MAN1B1: variants seen among roughly 807,000 people sequenced by gnomAD.
The protein encoded by MAN1B1 is endoplasmic reticulum mannosyl-oligosaccharide 1,2-alpha-mannosidase.
Under a neutral mutation model 75.5 loss-of-function variants are expected in MAN1B1, and 66 were observed. The observed-to-expected ratio is 0.87, with a 90% CI of 0.72 to 1.07. The LOEUF (loss-of-function observed/expected upper bound fraction) is 1.07, where lower values mean the gene tolerates loss of function less well. Among genes scored for constraint, MAN1B1 ranks in the 50% least tolerant of loss-of-function variants. The pLI, the probability that MAN1B1 is intolerant of heterozygous loss-of-function variation, is 0.00. For synonymous variants in MAN1B1, 453 were observed against 382.8 expected (o/e 1.18, Z -2.14); for missense variants, 973 against 912.5 (o/e 1.07, Z -0.85).
rs888516599 is a variant in MAN1B1, at chr9:137,096,116, T to C, written c.466-121T>C. ...GTCGTATTGAAAAACGAAAGTAATT[T>C]AGTCAGAGGTCAGAAGCTCAGTCTG... On this transcript the variant is annotated intron_variant, in intron 3 of 12. Coordinates refer to ENST00000371589, the MANE Select transcript of MAN1B1 (RefSeq NM_016219.5). 5.8e-6 allele frequency: 6 copies of C among 1,038,760 alleles called. No homozygotes were observed. The East Asian group carries it at 7.3e-5, about 13-fold the overall frequency. The allele number at this position is 1,038,760 out of a possible 1,614,324, so 64.3% of individuals were successfully genotyped here. A position where few individuals can be genotyped will look rare whatever the true frequency, so the allele number is the denominator to read the frequency against.
chr9:137,096,900 T>C (rs990328554), intron 4 of MAN1B1, among the ~76,000 whole-genome samples: 7 of 152,182 alleles, frequency 4.6e-5, no homozygotes, highest in Admixed American at 6.5e-5. Context: ...GAGTTGATTG[T>C]GGTTGAGGCG....
At chr9:137,093,001 C>T (rs1011162130) in intron 3 of MAN1B1, among the ~76,000 whole-genome samples, 3 of 152,008 alleles carry the variant, frequency 2.0e-5, no homozygotes, top group African/African-American at 7.3e-5. Context: ...CATCCTTTAC[C>T]AAGTATGCTT....
Position 137,107,532 on chromosome 9 carries a change from C to A in MAN1B1, c.1766C>A (p.Pro589Gln), listed in dbSNP as rs781280839. The change falls in exon 12 of 13, where the codon CCA becomes CAA. Residue 589 changes from proline (P) to glutamine (Q), a missense_variant and splice_region_variant. Coordinates refer to ENST00000371589, the MANE Select transcript of MAN1B1 (RefSeq NM_016219.5). ...QPGRRDVEVK[P>Q]ADRHNLLRPE... ...CCCTGAGCTCTGCTCCGCCCACAGC[C>A]AGCAGACAGGCACAACCTGCTGCGG... 3.1e-6 allele frequency: 5 copies of A among 1,612,990 alleles called. No homozygotes were observed. The South Asian group carries it at 4.4e-5, about 14-fold the overall frequency.
At chr9:137,104,029 G>C (rs1831005397) in intron 8 of MAN1B1, 1 of 457,104 alleles carries the variant, frequency 2.2e-6, no homozygotes, top group Non-Finnish European at 4.4e-6. Context: ...AGGAGTACAG[G>C]TCAGTGGTGT....
At chr9:137,107,704 CCACAGG>C in intron 12 of MAN1B1, 42 bp downstream of exon 12, 2 of 1,610,614 alleles carry the variant, frequency 1.2e-6, no homozygotes. Context: ...GGCCACCGGG[CCACAGG>C]CACGGCTGGG....
intron 1 of MAN1B1, 136 bp downstream of exon 1, chr9:137,087,354 A>G (rs1830400488): frequency 2.8e-6 from 3 of 1,061,664 alleles, no homozygotes; most frequent in Admixed American, 2.4e-5. Flanking sequence ...CCCCGCAAAA[A>G]GGGGCAAATG....
intron 7 of MAN1B1, 42 bp from the exon 8 acceptor site, chr9:137,101,441 TG>T: frequency 6.3e-7 from 1 of 1,592,156 alleles, no homozygotes; most frequent in Non-Finnish European, 8.6e-7. Context: ...ACGAGGCCTC[TG>T]GGTGACCTGA....
At position 137,099,722 on chromosome 9, in the gene MAN1B1, GTGAT is replaced by G. The variant is rs1564281411; in HGVS notation, c.761_764del (p.Ile254ThrfsTer20). 2.5e-6 allele frequency: 4 copies of G among 1,614,222 alleles called. No homozygotes were observed. The highest frequency in any genetic ancestry group is 3.4e-6 in the Non-Finnish European group (4 of 1,180,048). ...GCATCTGAACTATCGCCAGAAGGGCGTGATTGACGTCTTCCTGCATGCATGGAAA... is the reference window on the plus strand; with the variant it reads ...GCATCTGAACTATCGCCAGAAGGGCGTGACGTCTTCCTGCATGCATGGAAA... On this transcript the variant is annotated frameshift_variant, in exon 6 of 13. Transcript: ENST00000371589. LOFTEE classifies it high-confidence loss of function.
rs1831162870 is a variant in MAN1B1, at chr9:137,107,636, C to G, written c.1870C>G (p.Leu624Val). 6.2e-7 allele frequency: 1 copy of G among 1,610,186 alleles called. No homozygotes were observed. The highest frequency in any genetic ancestry group is 8.5e-7 in the Non-Finnish European group (1 of 1,179,968). ...ATACCAGGACTGGGGCTGGGAGATT[C>G]TGCAGAGCTTCAGCCGATTCACACG... ...RKYQDWGWEI[L>V]QSFSRFTRVP... Residue 624 changes from leucine to valine, a missense_variant, in exon 12 of 13, where the codon CTG becomes GTG. Transcript: ENST00000371589.
Position 137,087,150 on chromosome 9 carries a change from T to C in MAN1B1, c.151T>C (p.Ser51Pro). The C allele has an allele frequency of 3.1e-6, 5 of 1,594,246 alleles. No homozygotes were observed. The highest frequency in any genetic ancestry group is 4.3e-6 in the Non-Finnish European group (5 of 1,171,550). ...GCCGCCGCCTCATCGGGACTTCATC[T>C]CGGTGACGCTGAGCTTTGGCGAGAA... is the stretch of plus-strand genomic sequence containing the variant. The part of the protein sequence containing the change: ...PPPPPHRDFI[S>P]VTLSFGENYD... Residue 51 changes from serine to proline, a missense_variant, in exon 1 of 13, where the codon TCG (serine) becomes CCG (proline). Coordinates refer to ENST00000371589, the MANE Select transcript of MAN1B1 (RefSeq NM_016219.5).
chr9:137,107,865 C>G, intron 12 of MAN1B1: 1 of 704,870 alleles, frequency 1.4e-6, no homozygotes, highest in African/African-American at 1.8e-5. Context: ...GGTTGTGGGA[C>G]CCAGAGTACT....
intron 3 of MAN1B1, among the ~76,000 whole-genome samples, chr9:137,092,229 A>G (rs914230033): frequency 2.0e-5 from 3 of 152,044 alleles, no homozygotes; most frequent in African/African-American, 7.2e-5. Context: ...CAGGCACGAC[A>G]TGCCTATAGT....
chr9:137,097,547 G>A (rs913166913), intron 4 of MAN1B1, among the ~76,000 whole-genome samples: 4 of 152,288 alleles, frequency 2.6e-5, no homozygotes, highest in Admixed American at 6.5e-5. Context: ...GAGGCCCCCC[G>A]CCTCCGGCCT....
Position 137,094,364 on chromosome 9 carries a change from A to G in MAN1B1, c.466-1873A>G, listed in dbSNP as rs1830598010. 5 of 492,250 alleles carry G rather than the reference A, an allele frequency of 1.0e-5. 1 individual carries two copies. Among genetic ancestry groups the G allele is most frequent in the South Asian group, 4.4e-5 (3 of 68,126 alleles). The allele number at this position is 492,250 out of a possible 1,614,324, so 30.5% of individuals were successfully genotyped here. A position where few individuals can be genotyped will look rare whatever the true frequency, so the allele number is the denominator to read the frequency against. Reference sequence around the variant, plus strand: ...AGGTGATCTTAGTGACATAATTCTAATAGTTTGTTCCGACCTTCCACTGTG... The same window carrying G: ...AGGTGATCTTAGTGACATAATTCTAGTAGTTTGTTCCGACCTTCCACTGTG... On this transcript the variant is annotated intron_variant, in intron 3 of 12. Transcript: ENST00000371589.
chr9:137,108,477 G>T lies in MAN1B1; in HGVS notation c.1986G>T (p.Gly662=). 1 of 1,613,980 alleles carries T rather than the reference G, an allele frequency of 6.2e-7. No homozygotes were observed. The highest frequency in any genetic ancestry group is 8.5e-7 in the Non-Finnish European group (1 of 1,180,014). ...ACAAGATGGAGAGCTTCTTCCTGGG[G>T]GAGACGCTCAAGTATCTGTTCTTGC... ...PRDKMESFFL[G]ETLKYLFLLF... is the part of the protein sequence containing the mutation. The change falls in exon 13 of 13, where the codon GGG becomes GGT. Residue 662 remains glycine, a synonymous_variant. Coordinates refer to ENST00000371589, the MANE Select transcript of MAN1B1 (RefSeq NM_016219.5).
chr9:137,105,804 G>T (rs75315382), intron 8 of MAN1B1: 1 of 520,428 alleles, frequency 1.9e-6, no homozygotes, highest in Admixed American at 2.5e-5. Context: ...GTGGGCTCTC[G>T]TGAGGACAGT....
rs1050811727 is a variant in MAN1B1 at position 137,088,755 on chromosome 9, G to A, written c.329-114G>A. The A allele has an allele frequency of 1.6e-5, 17 of 1,095,790 alleles. No individual in the cohort carries two copies. In the Admixed American group the frequency reaches 2.8e-4, roughly 18 times the overall value. 67.9% of individuals were successfully genotyped at this position (1,095,790 alleles called of 1,614,324 possible). A position where few individuals can be genotyped will look rare whatever the true frequency, so the allele number is the denominator to read the frequency against. On this transcript the variant is annotated intron_variant, in intron 2 of 12. Coordinates refer to ENST00000371589, the MANE Select transcript of MAN1B1 (RefSeq NM_016219.5). ...TTGAATTCATTTCAGTGACTATCAG[G>A]TATCATAATGTTGATTTGTAATGGA... is the stretch of plus-strand genomic sequence containing the variant.
At chr9:137,102,714 ACATT>A (rs1184502941) in intron 8 of MAN1B1, 32 of 443,606 alleles carry the variant, frequency 7.2e-5, no homozygotes, top group African/African-American at 1.8e-4. Context: ...GCTGTTACAC[ACATT>A]CATGCTGTTG....
At chr9:137,102,678 ACACTGTTGCAGACATGCAGGTCGG>A (rs1830893833) in intron 8 of MAN1B1, 2 of 438,236 alleles carry the variant, frequency 4.6e-6, no homozygotes, top group Admixed American at 2.5e-5. Flanking sequence ...ACACACATTC[ACACTGTTGCAGACATGCAGGTCGG>A]TGCTGTTACA....
Sources: allele counts gnomAD v4.1 joint callset (sites outside exome capture counted in the v4.1 genomes callset), GRCh38; gene constraint gnomAD v4.1.1; transcripts MANE v1.5; gene names NCBI Gene and HGNC (gene_info 2026-07-23, HGNC 2026-07-21).